The following VOPP1 variants were observed in gnomAD, a reference collection of about 807,000 sequenced individuals.
VOPP1 encodes WW domain binding protein VOPP1.
Under a neutral mutation model 23.5 loss-of-function variants are expected in VOPP1, and 8 were observed. The observed-to-expected ratio is 0.34, with a 90% CI of 0.20 to 0.61. The LOEUF is 0.61. Among genes scored for constraint, VOPP1 ranks in the 20% least tolerant of loss-of-function variants. The probability of loss-of-function intolerance (pLI) is 0.78; values close to 1 mark genes in which losing one functional copy is unlikely to be tolerated. For synonymous variants in VOPP1, 83 were observed against 97.3 expected (o/e 0.85, Z 0.86); for missense variants, 174 against 238.1 (o/e 0.73, Z 1.77).
chr7:55,554,759 G>A (rs1459923571), intron 1 of VOPP1, among the ~76,000 whole-genome samples: 3 of 152,194 alleles, frequency 2.0e-5, no homozygotes, highest in South Asian at 2.1e-4. Flanking sequence ...CAACTGGGTC[G>A]ATAGGGGCTG....
rs774719280 is a variant in VOPP1, at chr7:55,492,374, A to C, written c.236T>G (p.Phe79Cys). The change falls in exon 4 of 5, where the codon TTC (phenylalanine) becomes TGC (cysteine). Residue 79 changes from phenylalanine to cysteine, a missense_variant. Phe to Cys is a radical substitution (Grantham distance 205). Coordinates refer to ENST00000285279, the MANE Select transcript of VOPP1 (RefSeq NM_030796.5). ...GGGGTACATGCGCCTCCGGATGAAG[A>C]AGCCGGCTCCGCAGCAGAAAAGCAC... ...MGVLFCCGAG[F>C]FIRRRMYPPP... The C allele has an allele frequency of 6.2e-7, 1 of 1,610,278 alleles. No homozygotes were observed. Among genetic ancestry groups the C allele is most frequent in the Non-Finnish European group, 8.5e-7 (1 of 1,178,284 alleles).
At chr7:55,473,659 C>T in intron 4 of VOPP1, among the ~76,000 whole-genome samples, 1 of 152,348 alleles carries the variant, frequency 6.6e-6, no homozygotes, top group East Asian at 1.9e-4. Flanking sequence ...ACAGGCTGGA[C>T]ACCCGACCCC....
chr7:55,465,504 C>T (rs1378639042), intron 4 of VOPP1, among the ~76,000 whole-genome samples: 2 of 152,224 alleles, frequency 1.3e-5, no homozygotes, highest in Non-Finnish European at 2.9e-5. Flanking sequence ...TCCTTTCACA[C>T]TCCTCTGACG....
intron 1 of VOPP1, among the ~76,000 whole-genome samples, chr7:55,551,331 C>A (rs980541545): frequency 6.6e-6 from 1 of 152,178 alleles, no homozygotes; most frequent in Non-Finnish European, 1.5e-5. Flanking sequence ...AATGTTAGGG[C>A]GTGGAGCACC....
rs560206544 is a variant in VOPP1 at position 55,511,889 on chromosome 7, T to C, written c.113+9183A>G. 3.9e-5 allele frequency among the ~76,000 whole-genome samples: 6 copies of C among 152,354 alleles called. No homozygotes were observed. The South Asian group carries it at 1.0e-3, about 26-fold the overall frequency. On this transcript the variant is annotated intron_variant, in intron 2 of 4. Transcript: ENST00000285279. ...GGGGTTGTGACACTGGTGCACATCT[T>C]CAACCTTAGTAAAATAAACTTTCTA...
At position 55,443,964 on chromosome 7, in the gene VOPP1, T is replaced by C. The variant is rs1346074594; in HGVS notation, n.418-7790A>G. Among the ~76,000 whole-genome samples, 5 of 152,152 alleles carry C rather than the reference T, an allele frequency of 3.3e-5. No homozygotes were observed. In the South Asian group the frequency reaches 6.2e-4, roughly 19 times the overall value. ...GGCCTATTGTAATTTTTAATTCAGA[T>C]TGATATGTTGCCTGCTGAAATATTT... On this transcript the variant is annotated intron_variant and non_coding_transcript_variant, in intron 4 of 4. Transcript: ENST00000462326.
intron 1 of VOPP1, among the ~76,000 whole-genome samples, chr7:55,530,452 T>C (rs2129046306): frequency 6.6e-6 from 1 of 152,252 alleles, no homozygotes; most frequent in South Asian, 2.1e-4. Context: ...CACTTAACAT[T>C]GTAACAACCC....
At chr7:55,482,901 G>A (rs6957301) in intron 4 of VOPP1, among the ~76,000 whole-genome samples, 14,049 of 152,172 alleles carry the variant, frequency 0.092, 945 homozygotes, top group Non-Finnish European at 0.15. Flanking sequence ...TGAAGACAAC[G>A]GTTTTGCTTG....
chr7:55,446,805 G>A lies in VOPP1; in HGVS notation n.418-10631C>T, dbSNP rs529788165. Among the ~76,000 whole-genome samples the A allele has an allele frequency of 8.3e-4, 127 of 152,284 alleles. 1 individual carries two copies. Among genetic ancestry groups the A allele is most frequent in the Non-Finnish European group, 1.1e-3 (74 of 68,028 alleles). On this transcript the variant is annotated intron_variant and non_coding_transcript_variant, in intron 4 of 4. Transcript: ENST00000462326. ...AGCCATTATAACCATTACTTCACAAGATTCTCACAACCATCTCATAAGGAG... is the reference window on the plus strand; with the variant it reads ...AGCCATTATAACCATTACTTCACAAAATTCTCACAACCATCTCATAAGGAG...
At chr7:55,447,569 G>A (rs1791134074) in intron 4 of VOPP1, among the ~76,000 whole-genome samples, 1 of 152,194 alleles carries the variant, frequency 6.6e-6, no homozygotes, top group Admixed American at 6.5e-5. Context: ...TTGTTGGGAA[G>A]TGGATACCTA....
At chr7:55,552,929 T>C (rs1562624939) in intron 1 of VOPP1, 1 of 921,672 alleles carries the variant, frequency 1.1e-6, no homozygotes, top group African/African-American at 1.7e-5. Flanking sequence ...TAGCTGCAAA[T>C]TGCTGACAAA....
chr7:55,465,648 C>T (rs1057165859), downstream of VOPP1, among the ~76,000 whole-genome samples: 1 of 152,204 alleles, frequency 6.6e-6, no homozygotes, highest in African/African-American at 2.4e-5. Flanking sequence ...GCTGATTATC[C>T]ACTATGTGCA....
chr7:55,456,797 C>T (rs758423945), intron 4 of VOPP1, among the ~76,000 whole-genome samples: 6 of 151,874 alleles, frequency 4.0e-5, no homozygotes, highest in South Asian at 2.1e-4. Context: ...CAGGGCCTGT[C>T]GGGGGATGGG....
At chr7:55,498,245 A>T (rs1794114533) in intron 2 of VOPP1, among the ~76,000 whole-genome samples, 2 of 152,236 alleles carry the variant, frequency 1.3e-5, no homozygotes, top group Admixed American at 1.3e-4. Context: ...GTGGAACTGC[A>T]GGGGCCCTGC....
intron 2 of VOPP1, among the ~76,000 whole-genome samples, chr7:55,513,960 A>G (rs751502809): frequency 1.1e-4 from 17 of 152,210 alleles, no homozygotes; most frequent in Admixed American, 4.6e-4. Context: ...TGAAACAGTC[A>G]TCGTCTGAAG....
chr7:55,495,334 C>G (rs1429330724), intron 3 of VOPP1, among the ~76,000 whole-genome samples: 1 of 152,204 alleles, frequency 6.6e-6, no homozygotes, highest in Admixed American at 6.5e-5. Context: ...AAGGCATTCT[C>G]TTTCAAAACC....
intron 4 of VOPP1, among the ~76,000 whole-genome samples, chr7:55,452,125 T>A (rs924485900): frequency 6.6e-6 from 1 of 152,222 alleles, no homozygotes; most frequent in African/African-American, 2.4e-5. Context: ...TTATGATATA[T>A]TCTGAATCCT....
intron 1 of VOPP1, chr7:55,552,605 A>C (rs2129054189): frequency 6.5e-7 from 1 of 1,535,832 alleles, no homozygotes; most frequent in Non-Finnish European, 8.7e-7. Context: ...CCTCAAAAGA[A>C]AGTGCTGGAA....
chr7:55,516,075 G>A (rs1160775335), intron 2 of VOPP1: 2 of 938,904 alleles, frequency 2.1e-6, no homozygotes, highest in Non-Finnish European at 2.5e-6. Context: ...GGCGGGAGCT[G>A]CTGAGGCCAC....
Sources: allele counts gnomAD v4.1 joint callset (sites outside exome capture counted in the v4.1 genomes callset), GRCh38; gene constraint gnomAD v4.1.1; transcripts MANE v1.5; gene names NCBI Gene and HGNC (gene_info 2026-07-23, HGNC 2026-07-21).